Variants in CERT1 observed in about 807,000 individuals in gnomAD.
CERT1 encodes the protein ceramide transfer protein.
CERT1 carries 31 observed loss-of-function variants against 87.9 expected under a neutral mutation model. The ratio of observed to expected loss-of-function variants is 0.35; its 90% CI spans 0.27 to 0.48. The LOEUF is 0.48. CERT1 is among the 20% of genes least tolerant of loss of function. The pLI is 0.99. For synonymous variants in CERT1, 289 were observed against 250.9 expected (o/e 1.15, Z -1.44); for missense variants, 487 against 758.0 (o/e 0.64, Z 4.20).
At chr5:75,395,311 T>C (rs567583829) in intron 11 of CERT1, among the ~76,000 whole-genome samples, 1 of 152,260 alleles carries the variant, frequency 6.6e-6, no homozygotes, top group South Asian at 2.1e-4. Context: ...AATTATTTTC[T>C]AGTTTGTGGC....
chr5:75,511,305 G>A lies in CERT1; in HGVS notation c.-98C>T. ...GGGTGAAGGGTCGGGGGATGGCGAAGCGAAGAGTGCCCGCTCCGGTGTGGG... is the reference window on the plus strand; with the variant it reads ...GGGTGAAGGGTCGGGGGATGGCGAAACGAAGAGTGCCCGCTCCGGTGTGGG... On this transcript the variant is annotated 5_prime_UTR_variant, in exon 1 of 17. Coordinates refer to ENST00000643780, the MANE Select transcript of CERT1 (RefSeq NM_001379029.1). The A allele has an allele frequency of 1.3e-6, 2 of 1,554,842 alleles. No homozygotes were observed. The highest frequency in any genetic ancestry group is 1.7e-6 in the Non-Finnish European group (2 of 1,149,596).
chr5:75,381,817 C>G, intron 15 of CERT1, 132 bp downstream of exon 15: 2 of 836,930 alleles, frequency 2.4e-6, no homozygotes, highest in Non-Finnish European at 3.7e-6. Flanking sequence ...TCCTAGCAGT[C>G]AATCCAACAT....
chr5:75,504,691 A>AT (rs1284171888), intron 2 of CERT1, among the ~76,000 whole-genome samples: 1 of 149,928 alleles, frequency 6.7e-6, no homozygotes, highest in Non-Finnish European at 1.5e-5. Context: ...CCATTTTCAG[A>AT]TTTTAACTAC....
chr5:75,482,516 C>T (rs1304096921), intron 2 of CERT1, among the ~76,000 whole-genome samples: 6 of 152,160 alleles, frequency 3.9e-5, no homozygotes, highest in Non-Finnish European at 4.4e-5. Context: ...TACTGGAGAG[C>T]CTTTAGGCCT....
chr5:75,381,603 A>ATATT (rs1381612585), intron 15 of CERT1, among the ~76,000 whole-genome samples: 1 of 152,108 alleles, frequency 6.6e-6, no homozygotes, highest in Non-Finnish European at 1.5e-5. Flanking sequence ...TAAGTAGTAA[A>ATATT]TGGAGCTAAA....
At chr5:75,434,664 T>C (rs1292721991) in intron 3 of CERT1, among the ~76,000 whole-genome samples, 1 of 151,846 alleles carries the variant, frequency 6.6e-6, no homozygotes, top group Admixed American at 6.6e-5. Flanking sequence ...AATTACTGAT[T>C]CCATTTCTGA....
At chr5:75,493,075 T>C (rs1766873082) in intron 2 of CERT1, among the ~76,000 whole-genome samples, 1 of 152,200 alleles carries the variant, frequency 6.6e-6, no homozygotes, top group Non-Finnish European at 1.5e-5. Flanking sequence ...CTTATTTAAT[T>C]CTTCCTTGTT....
intron 17 of CERT1, chr5:75,370,391 GATT>G (rs1447306697): frequency 2.0e-5 from 3 of 152,142 alleles, no homozygotes; most frequent in Non-Finnish European, 4.4e-5. Context: ...AAATAAATGA[GATT>G]ATTTATTTAT....
At chr5:75,424,643 T>C (rs1763528243) in intron 5 of CERT1, among the ~76,000 whole-genome samples, 1 of 149,832 alleles carries the variant, frequency 6.7e-6, no homozygotes, top group Non-Finnish European at 1.5e-5. Flanking sequence ...AAAAGAGAAA[T>C]GAGAGGGAGA....
rs1761432255 is a variant in CERT1 at position 75,378,804 on chromosome 5, T to C, written c.*542A>G. 6.6e-6 allele frequency: 1 copy of C among 152,222 alleles called. No individual in the cohort carries two copies. Among genetic ancestry groups the C allele is most frequent in the Admixed American group, 6.5e-5 (1 of 15,278 alleles). The allele number at this position is 152,222 out of a possible 1,614,324, so 9.4% of individuals were successfully genotyped here. A position where few individuals can be genotyped will look rare whatever the true frequency, so the allele number is the denominator to read the frequency against. ...GTTTGCACTTCTACAATTCTACAGT[T>C]CTATAATATCAAAATTTCTTTACAT... On this transcript the variant is annotated 3_prime_UTR_variant, in exon 17 of 17. Coordinates refer to ENST00000643780, the MANE Select transcript of CERT1 (RefSeq NM_001379029.1).
upstream of CERT1, chr5:75,511,721 A>C (rs1269027411): frequency 6.5e-7 from 1 of 1,546,514 alleles, no homozygotes; most frequent in Non-Finnish European, 8.7e-7. Context: ...GTCTGACGCG[A>C]CACGCCGAGC....
intron 2 of CERT1, among the ~76,000 whole-genome samples, chr5:75,482,101 G>T (rs865961135): frequency 1.6e-4 from 24 of 152,256 alleles, no homozygotes; most frequent in Middle Eastern, 6.8e-3. Context: ...GCACCAGATG[G>T]GCTCTTGGGG....
intron 2 of CERT1, among the ~76,000 whole-genome samples, chr5:75,469,444 A>C (rs866620911): frequency 3.3e-5 from 5 of 152,302 alleles, no homozygotes; most frequent in Middle Eastern, 6.8e-3. Context: ...AAAATTTGGT[A>C]AAGAATATGC....
intron 1 of CERT1, among the ~76,000 whole-genome samples, chr5:75,507,159 C>T (rs1054933163): frequency 6.6e-6 from 1 of 152,128 alleles, no homozygotes; most frequent in Non-Finnish European, 1.5e-5. Flanking sequence ...GACAGGGTCT[C>T]GCTCTGTCAC....
At chr5:75,494,860 C>G (rs1296433722) in intron 2 of CERT1, among the ~76,000 whole-genome samples, 5 of 152,188 alleles carry the variant, frequency 3.3e-5, no homozygotes, top group African/African-American at 1.2e-4. Context: ...TTCTTTTCTT[C>G]ATAAGAAGAT....
intron 3 of CERT1, among the ~76,000 whole-genome samples, chr5:75,432,521 G>T (rs947766331): frequency 2.0e-5 from 3 of 152,208 alleles, no homozygotes; most frequent in Non-Finnish European, 4.4e-5. Flanking sequence ...TTTGAGAAGT[G>T]TCTGTTCATG....
intron 3 of CERT1, among the ~76,000 whole-genome samples, chr5:75,440,625 T>C (rs570839866): frequency 1.3e-5 from 2 of 152,104 alleles, no homozygotes; most frequent in Non-Finnish European, 1.5e-5. Flanking sequence ...TAAAGTGACA[T>C]GAAGCTGGAA....
intron 2 of CERT1, among the ~76,000 whole-genome samples, chr5:75,470,799 C>T (rs1051829502): frequency 6.6e-6 from 1 of 152,112 alleles, no homozygotes; most frequent in African/African-American, 2.4e-5. Flanking sequence ...TAAATTGTCC[C>T]TGTCTGCAGA....
chr5:75,501,973 A>G (rs1021795529), intron 2 of CERT1, among the ~76,000 whole-genome samples: 2 of 152,172 alleles, frequency 1.3e-5, no homozygotes, highest in Non-Finnish European at 1.5e-5. Flanking sequence ...TGTCAATAAG[A>G]GTATGTAAAA....
Sources: allele counts gnomAD v4.1 joint callset (sites outside exome capture counted in the v4.1 genomes callset), GRCh38; gene constraint gnomAD v4.1.1; transcripts MANE v1.5; gene names NCBI Gene and HGNC (gene_info 2026-07-23, HGNC 2026-07-21).